COL21A1: variants seen among roughly 807,000 people sequenced by gnomAD.
COL21A1 encodes collagen type XXI alpha 1 chain.
Under a neutral mutation model 137.9 loss-of-function variants are expected in COL21A1, and 149 were observed. The ratio of observed to expected loss-of-function variants is 1.08; its 90% CI spans 0.95 to 1.24. The LOEUF is 1.24. Among genes scored for constraint, COL21A1 ranks in the 50% most tolerant of loss-of-function variants. The probability of loss-of-function intolerance (pLI) is 0.00; values close to 1 mark genes in which losing one functional copy is unlikely to be tolerated. For missense variants in COL21A1, 1,167 were observed against 1,158.4 expected, an observed-to-expected ratio of 1.01 and a Z score of -0.11; for synonymous variants, 456 against 391.5, an observed-to-expected ratio of 1.16 and a Z score of -1.95.
At chr6:56,187,428 C>G (rs1201774065) in intron 1 of COL21A1, among the ~76,000 whole-genome samples, 1 of 152,132 alleles carries the variant, frequency 6.6e-6, no homozygotes, top group Non-Finnish European at 1.5e-5. Context: ...ACATCCAAAC[C>G]ATAGCAACTT....
At chr6:56,174,398 A>G (rs148955293) in intron 3 of COL21A1, among the ~76,000 whole-genome samples, 4 of 152,172 alleles carry the variant, frequency 2.6e-5, no homozygotes, top group Non-Finnish European at 5.9e-5. Context: ...TTTTTTGGAA[A>G]AATCAACAAA....
intron 1 of COL21A1, among the ~76,000 whole-genome samples, chr6:56,191,084 A>G (rs2152290074): frequency 6.6e-6 from 1 of 152,328 alleles, no homozygotes; most frequent in Admixed American, 6.5e-5. Flanking sequence ...TTTTCAACAT[A>G]GTATTGGAAC....
intron 16 of COL21A1, among the ~76,000 whole-genome samples, chr6:56,116,042 G>T (rs1274032446): frequency 6.6e-6 from 1 of 151,842 alleles, no homozygotes; most frequent in Non-Finnish European, 1.5e-5. Context: ...GTCTCAAAGG[G>T]CAAATCTAAG....
At chr6:56,390,083 G>T (rs2094026192) in intron 1 of COL21A1, among the ~76,000 whole-genome samples, 1 of 152,192 alleles carries the variant, frequency 6.6e-6, no homozygotes, top group South Asian at 2.1e-4. Flanking sequence ...TTAGTAGAAA[G>T]ACTAGAAGAC....
intron 1 of COL21A1, among the ~76,000 whole-genome samples, chr6:56,245,376 T>A (rs1782578241): frequency 6.6e-6 from 1 of 152,198 alleles, no homozygotes. Context: ...TCCAGAAAGT[T>A]CCATATAAAG....
chr6:56,326,846 G>A (rs1432279462), intron 1 of COL21A1, among the ~76,000 whole-genome samples: 1 of 151,980 alleles, frequency 6.6e-6, no homozygotes. Context: ...GGGCAACACA[G>A]GACTGATTTA....
intron 1 of COL21A1, among the ~76,000 whole-genome samples, chr6:56,211,211 ATGTATATGTATATATACATATATAT>A: frequency 5.0e-5 from 1 of 20,138 alleles, no homozygotes; most frequent in African/African-American, 2.7e-4. Context: ...ATACATATAT[ATGTATATGTATATATACATATATAT>A]GTATATGTAT....
chr6:56,162,308 G>A (rs1036690861), intron 9 of COL21A1, among the ~76,000 whole-genome samples: 1 of 152,126 alleles, frequency 6.6e-6, no homozygotes, highest in Non-Finnish European at 1.5e-5. Flanking sequence ...GATCAAAAAG[G>A]CACGCCAACT....
chr6:56,220,133 T>C (rs1780741049), intron 1 of COL21A1, among the ~76,000 whole-genome samples: 1 of 152,174 alleles, frequency 6.6e-6, no homozygotes, highest in African/African-American at 2.4e-5. Context: ...ATTTATTGCC[T>C]GCTTATCAAA....
chr6:56,214,296 T>C (rs1257192006), intron 1 of COL21A1, among the ~76,000 whole-genome samples: 5 of 152,090 alleles, frequency 3.3e-5, no homozygotes, highest in Non-Finnish European at 4.4e-5. Flanking sequence ...AAAATAAATC[T>C]GGCAACTTAA....
intron 17 of COL21A1, among the ~76,000 whole-genome samples, chr6:56,094,251 G>A (rs1299234475): frequency 2.6e-5 from 4 of 152,102 alleles, no homozygotes; most frequent in Admixed American, 1.3e-4. Context: ...CACAACTGCA[G>A]GACATCATTT....
chr6:56,262,011 G>C (rs572241969), intron 1 of COL21A1, among the ~76,000 whole-genome samples: 220 of 152,280 alleles, frequency 1.4e-3, no homozygotes, highest in Non-Finnish European at 2.5e-3. Flanking sequence ...ATGGAATCTT[G>C]ATAAGCTTAC....
At chr6:56,341,298 T>A (rs1373734276) in intron 1 of COL21A1, among the ~76,000 whole-genome samples, 1 of 152,216 alleles carries the variant, frequency 6.6e-6, no homozygotes, top group East Asian at 1.9e-4. Flanking sequence ...TGATAAGGTA[T>A]GATGGAATTT....
intron 1 of COL21A1, among the ~76,000 whole-genome samples, chr6:56,345,115 C>A (rs1023556601): frequency 2.0e-5 from 3 of 152,150 alleles, no homozygotes; most frequent in Admixed American, 6.6e-5. Flanking sequence ...TACCAGTTAA[C>A]AAGGGTGACA....
chr6:56,311,265 G>A (rs558316313), intron 1 of COL21A1, among the ~76,000 whole-genome samples: 8 of 152,218 alleles, frequency 5.3e-5, no homozygotes, highest in African/African-American at 1.2e-4. Context: ...TCCAGGATAT[G>A]AGTTGCTACA....
Position 56,113,793 on chromosome 6 carries a change from C to T in COL21A1, c.1758+10269G>A, listed in dbSNP as rs372131656. The stretch of plus-strand genomic sequence containing the variant: ...CCAATTCCAGGACTCGACTCTTAGA[C>T]AGCATTTCTGGACCTGCCTTGGGCC... On this transcript the variant is annotated intron_variant, in intron 16 of 29. Coordinates refer to ENST00000244728, the MANE Select transcript of COL21A1 (RefSeq NM_030820.4). Among the ~76,000 whole-genome samples, 192 of 152,306 alleles carry T rather than the reference C, an allele frequency of 1.3e-3. 4 individuals are homozygous for T. Among genetic ancestry groups the T allele is most frequent in the African/African-American group, 4.3e-3 (180 of 41,568 alleles).
At chr6:56,087,701 A>G (rs1240259043) in intron 17 of COL21A1, among the ~76,000 whole-genome samples, 1 of 152,190 alleles carries the variant, frequency 6.6e-6, no homozygotes, top group South Asian at 2.1e-4. Flanking sequence ...CTGCATTTGT[A>G]CAAAACAGTA....
chr6:56,330,301 T>C (rs370774565), intron 1 of COL21A1, among the ~76,000 whole-genome samples: 14 of 152,054 alleles, frequency 9.2e-5, no homozygotes, highest in African/African-American at 2.9e-4. Context: ...AAAAATAAAA[T>C]AGTTGTAAAT....
intron 1 of COL21A1, among the ~76,000 whole-genome samples, chr6:56,318,400 G>A (rs1764790804): frequency 6.6e-6 from 1 of 151,982 alleles, no homozygotes; most frequent in Non-Finnish European, 1.5e-5. Flanking sequence ...ACTTCCTAGT[G>A]CACTCACTCC....
Sources: allele counts gnomAD v4.1 joint callset (sites outside exome capture counted in the v4.1 genomes callset), GRCh38; gene constraint gnomAD v4.1.1; transcripts MANE v1.5; gene names NCBI Gene and HGNC (gene_info 2026-07-23, HGNC 2026-07-21).